CADPS2: variants seen among roughly 807,000 people sequenced by gnomAD.
CADPS2 encodes the protein calcium-dependent secretion activator 2.
CADPS2 carries 93 observed loss-of-function variants against 172.5 expected under a neutral mutation model. The ratio of observed to expected loss-of-function variants is 0.54; its 90% CI spans 0.46 to 0.64. CADPS2 has a LOEUF of 0.64. Ranked by LOEUF, CADPS2 falls within the 30% of genes least tolerant of loss-of-function variation. CADPS2 has a pLI of 0.00. For synonymous variants in CADPS2, 546 were observed against 555.2 expected (o/e 0.98, Z 0.23); for missense variants, 1,420 against 1,565.9 (o/e 0.91, Z 1.57).
chr7:122,752,833 G>A (rs1048315332), intron 1 of CADPS2, among the ~76,000 whole-genome samples: 3 of 152,094 alleles, frequency 2.0e-5, no homozygotes, highest in Non-Finnish European at 4.4e-5. Flanking sequence ...AAAAGAATAG[G>A]ACGCATCAAG....
chr7:122,774,642 T>G (rs1216582672), intron 1 of CADPS2, among the ~76,000 whole-genome samples: 1 of 152,182 alleles, frequency 6.6e-6, no homozygotes, highest in Non-Finnish European at 1.5e-5. Flanking sequence ...ACATCTGATA[T>G]GCTCTCTGAT....
At chr7:122,530,022 T>C (rs183984338) in intron 8 of CADPS2, among the ~76,000 whole-genome samples, 3 of 152,120 alleles carry the variant, frequency 2.0e-5, no homozygotes, top group Non-Finnish European at 4.4e-5. Context: ...TTGGAATTAG[T>C]GCTATTTGAC....
chr7:122,697,916 C>T (rs150810922), intron 2 of CADPS2: 56 of 1,613,812 alleles, frequency 3.5e-5, no homozygotes, highest in Non-Finnish European at 4.7e-5. Context: ...TTATTTGTCT[C>T]CTCTTCACTA....
intron 1 of CADPS2, among the ~76,000 whole-genome samples, chr7:122,845,516 G>A (rs534580049): frequency 1.3e-5 from 2 of 152,220 alleles, no homozygotes; most frequent in East Asian, 1.9e-4. Context: ...TGCCAACCCC[G>A]GAGTATGAAA....
chr7:122,397,974 G>A (rs1227122680), intron 20 of CADPS2, among the ~76,000 whole-genome samples: 2 of 152,106 alleles, frequency 1.3e-5, no homozygotes, highest in Non-Finnish European at 2.9e-5. Context: ...AAGATTCCAT[G>A]TTTCCAAATA....
intron 1 of CADPS2, among the ~76,000 whole-genome samples, chr7:122,817,949 C>T (rs1410355711): frequency 6.6e-6 from 1 of 151,058 alleles, no homozygotes; most frequent in Non-Finnish European, 1.5e-5. Context: ...ATTTCTGTGC[C>T]CCGACCCTTT....
intron 17 of CADPS2, among the ~76,000 whole-genome samples, chr7:122,424,741 TC>T (rs2048932828): frequency 6.6e-6 from 1 of 151,946 alleles, no homozygotes. Flanking sequence ...AGTTGTCTTT[TC>T]ATTGAGACCT....
intron 7 of CADPS2, among the ~76,000 whole-genome samples, chr7:122,572,228 T>C (rs1161188641): frequency 6.6e-6 from 1 of 152,182 alleles, no homozygotes; most frequent in African/African-American, 2.4e-5. Context: ...GCATCCTATG[T>C]ATGTCTAATT....
chr7:122,550,466 A>G (rs2064136647), intron 8 of CADPS2, among the ~76,000 whole-genome samples: 1 of 152,186 alleles, frequency 6.6e-6, no homozygotes, highest in Non-Finnish European at 1.5e-5. Flanking sequence ...TTTTACTATA[A>G]AAGTAATCAG....
intron 5 of CADPS2, among the ~76,000 whole-genome samples, chr7:122,620,671 T>C (rs962927872): frequency 1.3e-5 from 2 of 152,174 alleles, no homozygotes; most frequent in Non-Finnish European, 2.9e-5. Flanking sequence ...TAATAAAACT[T>C]GAAGTCCTGA....
intron 2 of CADPS2, among the ~76,000 whole-genome samples, chr7:122,700,555 T>G (rs1453473198): frequency 6.6e-6 from 1 of 152,122 alleles, no homozygotes; most frequent in Non-Finnish European, 1.5e-5. Context: ...ACAGAAATTT[T>G]CATCAATACA....
At chr7:122,841,057 C>G (rs1810344289) in intron 1 of CADPS2, among the ~76,000 whole-genome samples, 1 of 152,082 alleles carries the variant, frequency 6.6e-6, no homozygotes, top group African/African-American at 2.4e-5. Context: ...TATAAGAAAT[C>G]ACTCAAATAA....
chr7:122,718,571 C>G (rs2089977201), intron 2 of CADPS2, among the ~76,000 whole-genome samples: 1 of 152,028 alleles, frequency 6.6e-6, no homozygotes, highest in South Asian at 2.1e-4. Flanking sequence ...ATTCAGTACC[C>G]ACAGGTTTTT....
chr7:122,628,170 A>G (rs1183038610), intron 4 of CADPS2, among the ~76,000 whole-genome samples: 1 of 152,034 alleles, frequency 6.6e-6, no homozygotes, highest in Non-Finnish European at 1.5e-5. Flanking sequence ...TTTATTATTT[A>G]TTTCTAATTT....
chr7:122,503,818 A>G (rs538690306), intron 9 of CADPS2, among the ~76,000 whole-genome samples: 6 of 152,126 alleles, frequency 3.9e-5, no homozygotes, highest in Admixed American at 6.5e-5. Context: ...CAGAATTGGG[A>G]AAAAAAGCCA....
intron 17 of CADPS2, among the ~76,000 whole-genome samples, chr7:122,420,718 A>G (rs990122985): frequency 2.6e-5 from 4 of 152,256 alleles, no homozygotes; most frequent in African/African-American, 9.6e-5. Context: ...GTTGTAATAC[A>G]TTTCAAACAG....
At chr7:122,627,137 G>A (rs937791975) in intron 4 of CADPS2, among the ~76,000 whole-genome samples, 1 of 152,170 alleles carries the variant, frequency 6.6e-6, no homozygotes, top group Non-Finnish European at 1.5e-5. Flanking sequence ...AGGATTTGAG[G>A]CCTGCCTCAG....
At chr7:122,696,293 T>C (rs1306242051) in intron 2 of CADPS2, among the ~76,000 whole-genome samples, 2 of 152,158 alleles carry the variant, frequency 1.3e-5, no homozygotes, top group Non-Finnish European at 2.9e-5. Context: ...AAAATAACAC[T>C]TAGTGTTCCT....
At chr7:122,817,576 G>A (rs1415499511) in intron 1 of CADPS2, among the ~76,000 whole-genome samples, 1 of 152,048 alleles carries the variant, frequency 6.6e-6, no homozygotes, top group African/African-American at 2.4e-5. Context: ...CGTTTCAAAG[G>A]TGTCAGACCA....
Sources: allele counts gnomAD v4.1 joint callset (sites outside exome capture counted in the v4.1 genomes callset), GRCh38; gene constraint gnomAD v4.1.1; transcripts MANE v1.5; gene names NCBI Gene and HGNC (gene_info 2026-07-23, HGNC 2026-07-21).